The following CLASP2 variants were observed in gnomAD, a reference collection of about 807,000 sequenced individuals.
CLASP2 encodes cytoplasmic linker associated protein 2.
A neutral mutation model predicts 194.4 loss-of-function variants in CLASP2; 47 were observed. The observed-to-expected ratio is 0.24, with a 90% confidence interval of 0.19 to 0.31. The LOEUF (loss-of-function observed/expected upper bound fraction) is 0.31, where lower values mean the gene tolerates loss of function less well. CLASP2 is among the 10% of genes least tolerant of loss of function. The pLI, the probability that CLASP2 is intolerant of heterozygous loss-of-function variation, is 1.00. For missense variants in CLASP2, 1,445 were observed against 1,823.6 expected (o/e 0.79, Z 3.78); for synonymous variants, 619 against 633.5 (o/e 0.98, Z 0.34).
chr3:33,575,924 C>G (rs866087745), intron 24 of CLASP2, among the ~76,000 whole-genome samples: 23 of 152,160 alleles, frequency 1.5e-4, no homozygotes, highest in African/African-American at 5.3e-4. Context: ...AAACACATTA[C>G]CATATTAAAG....
intron 6 of CLASP2, among the ~76,000 whole-genome samples, chr3:33,669,452 T>G (rs1559585986): frequency 6.6e-6 from 1 of 151,838 alleles, no homozygotes; most frequent in Non-Finnish European, 1.5e-5. Context: ...CATCAAAAGG[T>G]ATCACCAAGA....
chr3:33,630,498 T>C (rs935664499), intron 9 of CLASP2, among the ~76,000 whole-genome samples: 15 of 152,128 alleles, frequency 9.9e-5, no homozygotes, highest in Admixed American at 8.5e-4. Flanking sequence ...AATAAACTTA[T>C]TATCAATTAC....
intron 1 of CLASP2, among the ~76,000 whole-genome samples, chr3:33,704,778 A>G (rs1013725243): frequency 6.6e-6 from 1 of 151,972 alleles, no homozygotes; most frequent in African/African-American, 2.4e-5. Flanking sequence ...ATATATATAT[A>G]TATGAATGGC....
At chr3:33,712,266 G>C (rs1266095015) in intron 1 of CLASP2, among the ~76,000 whole-genome samples, 1 of 152,100 alleles carries the variant, frequency 6.6e-6, no homozygotes, top group Non-Finnish European at 1.5e-5. Flanking sequence ...GAAAATCAAA[G>C]ATCGTATGTT....
chr3:33,648,125 A>G (rs1036796839), intron 7 of CLASP2, among the ~76,000 whole-genome samples: 2 of 152,216 alleles, frequency 1.3e-5, no homozygotes, highest in Non-Finnish European at 2.9e-5. Flanking sequence ...AAAAAGAAAA[A>G]TAAAACAAGT....
chr3:33,678,112 G>A (rs1267011623), intron 6 of CLASP2, among the ~76,000 whole-genome samples: 1 of 151,884 alleles, frequency 6.6e-6, no homozygotes, highest in East Asian at 1.9e-4. Flanking sequence ...GACTATCCAA[G>A]AACTGTGGGG....
intron 29 of CLASP2, among the ~76,000 whole-genome samples, chr3:33,553,880 G>T (rs946208516): frequency 1.3e-5 from 2 of 152,010 alleles, no homozygotes; most frequent in African/African-American, 4.8e-5. Context: ...AAATCAGAAC[G>T]TGGAAGTGAC....
chr3:33,585,035 G>T (rs750289288), intron 21 of CLASP2, 115 bp from the exon 22 acceptor site: 96 of 828,292 alleles, frequency 1.2e-4, no homozygotes, highest in Non-Finnish European at 1.6e-4. Context: ...AGTATGGCAG[G>T]TTCTACGCTC....
chr3:33,602,687 G>A (rs2072603680), intron 18 of CLASP2: 3 of 695,858 alleles, frequency 4.3e-6, no homozygotes, highest in South Asian at 1.5e-5. Context: ...GCTAGATGTG[G>A]TAGAAGTGCA....
At chr3:33,671,590 G>C (rs939864913) in intron 6 of CLASP2, among the ~76,000 whole-genome samples, 1 of 152,174 alleles carries the variant, frequency 6.6e-6, no homozygotes, top group African/African-American at 2.4e-5. Flanking sequence ...GACAGTGGGC[G>C]CAGGTCAGTG....
In CLASP2 at chr3:33,497,680, T is replaced by G. The variant is rs1344828612; in HGVS notation, c.*951A>C. The G allele has an allele frequency of 6.6e-6, 1 of 152,616 alleles. No individual in the cohort carries two copies. Among genetic ancestry groups the G allele is most frequent in the Admixed American group, 6.5e-5 (1 of 15,268 alleles). The allele number at this position is 152,616 out of a possible 1,614,324, so 9.5% of individuals were successfully genotyped here. On this transcript the variant is annotated 3_prime_UTR_variant, in exon 39 of 39. Coordinates refer to ENST00000682230, the MANE Select transcript of CLASP2 (RefSeq NM_001365631.1). ...GTTCCACCATTTAAAGAAAAGGTGC[T>G]GGTCACTCCCATGTCTCGATAATTT...
intron 34 of CLASP2, among the ~76,000 whole-genome samples, chr3:33,521,080 G>T (rs1299659929): frequency 2.0e-5 from 3 of 152,094 alleles, no homozygotes; most frequent in Non-Finnish European, 4.4e-5. Flanking sequence ...ACAAAAGCCG[G>T]CTTGAATGGA....
intron 16 of CLASP2, among the ~76,000 whole-genome samples, chr3:33,605,404 C>T (rs1158001674): frequency 6.6e-6 from 1 of 152,090 alleles, no homozygotes; most frequent in Non-Finnish European, 1.5e-5. Flanking sequence ...ATTATTCCTA[C>T]AACAATTATT....
At chr3:33,514,419 C>T (rs2049338) in intron 36 of CLASP2, among the ~76,000 whole-genome samples, 152,363 of 152,364 alleles carry the variant, frequency 1, 76,181 homozygotes, top group Non-Finnish European at 1. Context: ...TATGAAATCA[C>T]TGCCTAATCC....
intron 10 of CLASP2, among the ~76,000 whole-genome samples, chr3:33,624,361 CACAA>C (rs1291730372): frequency 6.6e-6 from 1 of 151,942 alleles, no homozygotes; most frequent in African/African-American, 2.4e-5. Flanking sequence ...GGAAAACTAT[CACAA>C]ACAGAGGAGA....
At chr3:33,567,543 A>C (rs2062964670) in intron 26 of CLASP2, among the ~76,000 whole-genome samples, 1 of 152,160 alleles carries the variant, frequency 6.6e-6, no homozygotes, top group African/African-American at 2.4e-5. Context: ...TACTGCTTGC[A>C]TTTGAGGGGC....
At chr3:33,713,672 T>C (rs977918034) in intron 1 of CLASP2, among the ~76,000 whole-genome samples, 1 of 152,114 alleles carries the variant, frequency 6.6e-6, no homozygotes, top group Non-Finnish European at 1.5e-5. Flanking sequence ...TAGTTATAAA[T>C]GTTTTCACTT....
chr3:33,717,765 C>T, intron 1 of CLASP2, 43 bp downstream of exon 1: 1 of 1,542,256 alleles, frequency 6.5e-7, no homozygotes. Context: ...TAAAGGGCTG[C>T]CGCGGAGGGC....
At chr3:33,586,913 C>G (rs2067504440) in intron 21 of CLASP2, among the ~76,000 whole-genome samples, 1 of 151,992 alleles carries the variant, frequency 6.6e-6, no homozygotes, top group South Asian at 2.1e-4. Flanking sequence ...GATGACTGAT[C>G]AAGAGGGGGG....
Sources: gnomAD v4.1 joint callset for allele counts (sites outside exome capture counted in the v4.1 genomes callset) on GRCh38, gnomAD v4.1.1 for gene constraint, MANE v1.5 for transcripts, NCBI Gene and HGNC (gene_info 2026-07-23, HGNC 2026-07-21) for gene names.